The following CASP10 variants were observed in gnomAD, a reference collection of about 807,000 sequenced individuals.
CASP10 encodes the protein caspase-10.
In CASP10, 41 loss-of-function variants were observed where a neutral mutation model predicts 48.5. The observed-to-expected ratio is 0.85, with a 90% CI of 0.66 to 1.10. CASP10 has a LOEUF of 1.10. CASP10 is among the 50% of genes least tolerant of loss of function. The pLI is 0.00. For synonymous variants in CASP10, 232 were observed against 238.4 expected (o/e 0.97, Z 0.25); for missense variants, 614 against 614.5 (o/e 1.00, Z 0.01).
At chr2:201,223,995 G>A (rs1445086417), downstream of CASP10, among the ~76,000 whole-genome samples, 4 of 147,498 alleles carry the variant, frequency 2.7e-5, no homozygotes, top group African/African-American at 5.1e-5. Context: ...TTTTTGAGAC[G>A]GAGTCTTGCT....
downstream of CASP10, among the ~76,000 whole-genome samples, chr2:201,222,133 G>C (rs2126066817): frequency 6.6e-6 from 1 of 151,962 alleles, no homozygotes; most frequent in African/African-American, 2.4e-5. Context: ...ATTGAGTGAG[G>C]TTCATGTATA....
At position 201,191,235 on chromosome 2, in the gene CASP10, A is replaced by G. The variant is rs980225597; in HGVS notation, c.442-1749A>G. Among the ~76,000 whole-genome samples the G allele has an allele frequency of 2.6e-5, 4 of 152,162 alleles. No individual in the cohort carries two copies. In the East Asian group the frequency reaches 7.7e-4, roughly 29 times the overall value. ...AAATAGCTTTTAAATGATCAAATGCACATGTTCATGTGGCCAAATGATCTT... is the reference window on the plus strand; with the variant it reads ...AAATAGCTTTTAAATGATCAAATGCGCATGTTCATGTGGCCAAATGATCTT... On this transcript the variant is annotated intron_variant, in intron 3 of 9. Coordinates refer to ENST00000286186, the MANE Select transcript of CASP10 (RefSeq NM_032977.4).
chr2:201,191,562 G>A (rs1216290163), intron 3 of CASP10, among the ~76,000 whole-genome samples: 1 of 152,154 alleles, frequency 6.6e-6, no homozygotes, highest in Non-Finnish European at 1.5e-5. Flanking sequence ...AGGGCTCAGT[G>A]AGGCTGCATT....
intron 3 of CASP10, among the ~76,000 whole-genome samples, chr2:201,190,296 ACACACACACACATG>A (rs1250975407): frequency 6.6e-6 from 1 of 152,140 alleles, no homozygotes; most frequent in Non-Finnish European, 1.5e-5. Context: ...ATGTATACAC[ACACACACACACATG>A]CACACACACA....
At chr2:201,200,280 A>G (rs1257846968) in intron 5 of CASP10, among the ~76,000 whole-genome samples, 1 of 152,226 alleles carries the variant, frequency 6.6e-6, no homozygotes, top group East Asian at 1.9e-4. Flanking sequence ...GCTGCACATG[A>G]AAAGTTTCCC....
downstream of CASP10, among the ~76,000 whole-genome samples, chr2:201,222,387 T>C (rs1262853771): frequency 6.6e-6 from 1 of 152,126 alleles, no homozygotes; most frequent in Non-Finnish European, 1.5e-5. Flanking sequence ...TGGCTAATTT[T>C]CATATTTCTA....
At chr2:201,223,355 G>A (rs1374984178), downstream of CASP10, among the ~76,000 whole-genome samples, 1 of 152,178 alleles carries the variant, frequency 6.6e-6, no homozygotes, top group Non-Finnish European at 1.5e-5. Context: ...CTCACCACAA[G>A]TGGGGGATGG....
rs1945720109 is a variant in CASP10, at chr2:201,221,528, A to C, written c.*3787A>C. ...CCCCATCCCTGCCAGCCAGAGAACA[A>C]CCCCCTTTGACTGTAATTTTCCACT... is the stretch of plus-strand genomic sequence containing the variant. On this transcript the variant is annotated 3_prime_UTR_variant, in exon 10 of 10. Transcript: ENST00000286186. 6.5e-6 allele frequency: 1 copy of C among 153,274 alleles called. No homozygotes were observed. Among genetic ancestry groups the C allele is most frequent in the Non-Finnish European group, 1.4e-5 (1 of 69,266 alleles). The allele number at this position is 153,274 out of a possible 1,614,324, so 9.5% of individuals were successfully genotyped here. A position where few individuals can be genotyped will look rare whatever the true frequency, so the allele number is the denominator to read the frequency against.
chr2:201,190,087 T>C (rs946775426), intron 3 of CASP10, among the ~76,000 whole-genome samples: 1 of 152,208 alleles, frequency 6.6e-6, no homozygotes, highest in African/African-American at 2.4e-5. Context: ...CTTAGTAGTC[T>C]TTGATGGCTT....
chr2:201,209,805 A>G lies in CASP10; in HGVS notation c.1415+243A>G, dbSNP rs7576306. ...CATCTGTCCATCCATCCATCCATCCAGCAACCTTGTATTGAGTACCAGCCT... is the reference window on the plus strand; with the variant it reads ...CATCTGTCCATCCATCCATCCATCCGGCAACCTTGTATTGAGTACCAGCCT... On this transcript the variant is annotated intron_variant, in intron 9 of 9. Transcript: ENST00000286186. 0.37 allele frequency among the ~76,000 whole-genome samples: 56,441 copies of G among 151,798 alleles called. 11,909 individuals carry two copies. The highest frequency in any genetic ancestry group is 0.48 in the Non-Finnish European group (32,916 of 67,926).
intron 9 of CASP10, among the ~76,000 whole-genome samples, chr2:201,227,027 T>C (rs763377359): frequency 6.6e-6 from 1 of 151,988 alleles, no homozygotes; most frequent in Non-Finnish European, 1.5e-5. Context: ...TACAGATGCA[T>C]GGGGGTGATG....
rs573787135 is a variant in CASP10, at chr2:201,183,586, G to A, written c.-8+278G>A. Among the ~76,000 whole-genome samples, 347 of 152,274 alleles carry A rather than the reference G, an allele frequency of 2.3e-3. 2 individuals are homozygous for A. The highest frequency in any genetic ancestry group is 7.7e-3 in the African/African-American group (320 of 41,544). On this transcript the variant is annotated intron_variant, in intron 1 of 9. Coordinates refer to ENST00000286186, the MANE Select transcript of CASP10 (RefSeq NM_032977.4). ...ATTGTCAAGAAACCACAAGGCAAATGCTAGATGCGGTAGAATAGAAAGGTG... is the reference window on the plus strand; with the variant it reads ...ATTGTCAAGAAACCACAAGGCAAATACTAGATGCGGTAGAATAGAAAGGTG...
At position 201,209,542 on chromosome 2, in the gene CASP10, T is replaced by C. The variant is rs199853584; in HGVS notation, c.1395T>C (p.His465=). 1.2e-6 allele frequency: 2 copies of C among 1,609,316 alleles called. No individual in the cohort carries two copies. The highest frequency in any genetic ancestry group is 4.5e-5 in the East Asian group (2 of 44,866). The change falls in exon 9 of 10, where the codon CAT becomes CAC. Residue 465 remains histidine, a synonymous_variant. Transcript: ENST00000286186. The part of the protein sequence containing the change: ...GSWYIQSLCN[H]LKKLVPRHED... ...GGTATATTCAGTCTCTGTGTAATCA[T>C]CTGAAGAAATTGGTCCCAAGGTGAG...
rs777888479 is a variant in CASP10 at position 201,229,048 on chromosome 2, C to A, written c.1531C>A (p.Arg511=). ...CACGGCCATCTCTGCGCAGACACCT[C>A]GACCCCCCATGCGCAGGTGGAGCAG... Residue 511 remains arginine (R), a synonymous_variant, in exon 10 of 10, where the codon CGA becomes AGA. Transcript: ENST00000272879. The A allele has an allele frequency of 5.0e-6, 8 of 1,614,208 alleles. No individual in the cohort carries two copies. The Admixed American group carries it at 1.2e-4, about 24-fold the overall frequency.
chr2:201,193,485 G>T, intron 4 of CASP10: 1 of 301,414 alleles, frequency 3.3e-6, no homozygotes, highest in Non-Finnish European at 6.5e-6. Context: ...TGGGATTATA[G>T]GTGTAAGCCA....
rs1945677910 is a variant in CASP10, at chr2:201,219,846, C to G, written c.*2105C>G. 1 of 984,904 alleles carries G rather than the reference C, an allele frequency of 1.0e-6. No individual in the cohort carries two copies. Among genetic ancestry groups the G allele is most frequent in the African/African-American group, 1.8e-5 (1 of 57,100 alleles). 61.0% of individuals were successfully genotyped at this position (984,904 alleles called of 1,614,324 possible). A position where few individuals can be genotyped will look rare whatever the true frequency, so the allele number is the denominator to read the frequency against. On this transcript the variant is annotated 3_prime_UTR_variant, in exon 10 of 10. Coordinates refer to ENST00000286186, the MANE Select transcript of CASP10 (RefSeq NM_032977.4). Reference sequence around the variant, plus strand: ...ACGCCTTCATTTATAGATGAGGCAGCTGAGGCCTGGGGATGTGAACAACCT... The same window carrying G: ...ACGCCTTCATTTATAGATGAGGCAGGTGAGGCCTGGGGATGTGAACAACCT...
intron 4 of CASP10, among the ~76,000 whole-genome samples, chr2:201,195,120 C>T (rs1944745902): frequency 6.6e-6 from 1 of 151,906 alleles, no homozygotes. Flanking sequence ...GAGCTGGAGT[C>T]TTGCTCTGTC....
At chr2:201,203,499 G>T (rs1945095564) in intron 5 of CASP10, among the ~76,000 whole-genome samples, 1 of 152,028 alleles carries the variant, frequency 6.6e-6, no homozygotes, top group African/African-American at 2.4e-5. Flanking sequence ...TAGAGGTGGG[G>T]TTTCACCATG....
intron 3 of CASP10, among the ~76,000 whole-genome samples, chr2:201,188,697 T>C (rs1012222365): frequency 6.6e-6 from 1 of 152,132 alleles, no homozygotes; most frequent in African/African-American, 2.4e-5. Context: ...GGCAGCTGAA[T>C]CCAGAGGCTT....
Sources: allele counts gnomAD v4.1 joint callset (sites outside exome capture counted in the v4.1 genomes callset), GRCh38; gene constraint gnomAD v4.1.1; transcripts MANE v1.5; gene names NCBI Gene and HGNC (gene_info 2026-07-23, HGNC 2026-07-21).